GRIP1: variants seen among roughly 807,000 people sequenced by gnomAD.
GRIP1 encodes the protein glutamate receptor interacting protein 1.
Under a neutral mutation model 129.9 loss-of-function variants are expected in GRIP1, and 45 were observed. That is an observed-to-expected ratio of 0.35 (90% CI 0.27 to 0.44). The LOEUF is 0.44. GRIP1 is among the 20% of genes least tolerant of loss of function. The pLI is 1.00. For synonymous variants in GRIP1, 530 were observed against 520.8 expected, an observed-to-expected ratio of 1.02 and a Z score of -0.24; for missense variants, 1,196 against 1,396.8, an observed-to-expected ratio of 0.86 and a Z score of 2.29.
chr12:66,514,284 T>C (rs2060782400), intron 7 of GRIP1, among the ~76,000 whole-genome samples: 1 of 152,154 alleles, frequency 6.6e-6, no homozygotes, highest in Non-Finnish European at 1.5e-5. Context: ...GTCAAATACC[T>C]GCTTCAATTT....
intron 1 of GRIP1, among the ~76,000 whole-genome samples, chr12:66,938,890 G>A (rs766481417): frequency 6.6e-6 from 1 of 152,188 alleles, no homozygotes; most frequent in Non-Finnish European, 1.5e-5. Flanking sequence ...CTGGGAGGTG[G>A]AGGTTGCAGT....
intron 13 of GRIP1, among the ~76,000 whole-genome samples, chr12:66,438,491 ATT>A (rs1004531480): frequency 2.2e-5 from 3 of 136,942 alleles, no homozygotes; most frequent in Admixed American, 7.6e-5. Context: ...TTCACCGAGT[ATT>A]TTTTTTTTTT....
chr12:66,401,205 A>T (rs775024715), intron 16 of GRIP1, among the ~76,000 whole-genome samples: 3 of 152,164 alleles, frequency 2.0e-5, no homozygotes, highest in Non-Finnish European at 4.4e-5. Flanking sequence ...AAAATATCCA[A>T]ATACAGTAAT....
chr12:66,740,179 G>A (rs2036743618), intron 1 of GRIP1, among the ~76,000 whole-genome samples: 2 of 152,154 alleles, frequency 1.3e-5, no homozygotes, highest in Admixed American at 1.3e-4. Context: ...ATGTCTGTTA[G>A]ATCACTGATG....
intron 2 of GRIP1, among the ~76,000 whole-genome samples, chr12:66,592,200 T>C (rs1426581031): frequency 1.3e-5 from 2 of 152,180 alleles, no homozygotes; most frequent in Non-Finnish European, 2.9e-5. Context: ...AAGGGTATGG[T>C]ATTATGGGGA....
At chr12:66,627,842 T>C (rs1376021597) in intron 1 of GRIP1, among the ~76,000 whole-genome samples, 1 of 151,932 alleles carries the variant, frequency 6.6e-6, no homozygotes, top group Non-Finnish European at 1.5e-5. Flanking sequence ...GGAGCTGGGA[T>C]TGTGTAAGGG....
At chr12:66,760,465 G>A (rs2037438153) in intron 1 of GRIP1, among the ~76,000 whole-genome samples, 1 of 152,182 alleles carries the variant, frequency 6.6e-6, no homozygotes, top group Non-Finnish European at 1.5e-5. Context: ...GAGGTAAAAA[G>A]CACTTCTTAC....
rs1472540042 is a variant in GRIP1 at position 66,418,257 on chromosome 12, C to T, written c.1838+2463G>A. On this transcript the variant is annotated intron_variant, in intron 15 of 24. Transcript: ENST00000359742. ...CAACATGCAGAAGAAAAAAACTAGA[C>T]AGCTATTTCTTGCCATATACAAAAG... is the stretch of plus-strand genomic sequence containing the variant. Among the ~76,000 whole-genome samples, 3 of 152,110 alleles carry T rather than the reference C, an allele frequency of 2.0e-5. No individual in the cohort carries two copies. In the East Asian group the frequency reaches 5.8e-4, roughly 29 times the overall value.
At chr12:66,869,867 T>G (rs756731988) in intron 1 of GRIP1, among the ~76,000 whole-genome samples, 6 of 152,112 alleles carry the variant, frequency 3.9e-5, no homozygotes, top group Admixed American at 2.6e-4. Context: ...TCCAAGTTCT[T>G]TAACTGTGGC....
intron 23 of GRIP1, among the ~76,000 whole-genome samples, chr12:66,367,230 G>T (rs1211088038): frequency 1.3e-5 from 2 of 152,094 alleles, no homozygotes; most frequent in African/African-American, 4.8e-5. Flanking sequence ...GTACAAACCA[G>T]AATTCATTTG....
intron 2 of GRIP1, among the ~76,000 whole-genome samples, chr12:66,586,204 T>C (rs2063627411): frequency 6.6e-6 from 1 of 152,188 alleles, no homozygotes; most frequent in Non-Finnish European, 1.5e-5. Flanking sequence ...TCCCACCTTT[T>C]CACCGAATCT....
chr12:66,861,131 T>A (rs1592910279), intron 1 of GRIP1, among the ~76,000 whole-genome samples: 1 of 152,150 alleles, frequency 6.6e-6, no homozygotes, highest in South Asian at 2.1e-4. Context: ...ACAGTTTTAC[T>A]ATACCTCTTC....
chr12:66,946,158 T>C (rs942422758), intron 1 of GRIP1, among the ~76,000 whole-genome samples: 8 of 152,226 alleles, frequency 5.3e-5, no homozygotes, highest in Non-Finnish European at 5.9e-5. Flanking sequence ...AATTCTGACA[T>C]GGCCATTCCA....
At chr12:66,589,634 T>C (rs2063780702) in intron 2 of GRIP1, among the ~76,000 whole-genome samples, 1 of 152,176 alleles carries the variant, frequency 6.6e-6, no homozygotes, top group Admixed American at 6.5e-5. Flanking sequence ...AAAATATGAT[T>C]AGCATATAAA....
At chr12:66,549,514 C>G (rs888284940) in intron 2 of GRIP1, among the ~76,000 whole-genome samples, 8 of 151,964 alleles carry the variant, frequency 5.3e-5, no homozygotes, top group African/African-American at 1.9e-4. Flanking sequence ...AAGTTTATTC[C>G]CCTCAGGAAA....
intron 19 of GRIP1, among the ~76,000 whole-genome samples, chr12:66,387,995 G>A (rs949502574): frequency 2.0e-5 from 3 of 151,828 alleles, no homozygotes; most frequent in African/African-American, 4.8e-5. Context: ...AATAAATCAT[G>A]CATCCAACTT....
chr12:66,964,155 A>C (rs2041962650), intron 1 of GRIP1, among the ~76,000 whole-genome samples: 1 of 152,114 alleles, frequency 6.6e-6, no homozygotes, highest in Non-Finnish European at 1.5e-5. Context: ...AGTGCTGCCA[A>C]AGTGATTTTT....
At chr12:66,978,694 C>T (rs964438514) in intron 1 of GRIP1, among the ~76,000 whole-genome samples, 4 of 152,086 alleles carry the variant, frequency 2.6e-5, no homozygotes, top group Non-Finnish European at 5.9e-5. Flanking sequence ...GAAGTATTGG[C>T]GTCAAAAGCT....
intron 1 of GRIP1, among the ~76,000 whole-genome samples, chr12:66,726,392 G>A (rs1263404608): frequency 6.6e-6 from 1 of 152,088 alleles, no homozygotes; most frequent in Non-Finnish European, 1.5e-5. Context: ...TTGAATTTAT[G>A]ACCTTCAATT....
Sources: allele counts gnomAD v4.1 joint callset (sites outside exome capture counted in the v4.1 genomes callset), GRCh38; gene constraint gnomAD v4.1.1; transcripts MANE v1.5; gene names NCBI Gene and HGNC (gene_info 2026-07-23, HGNC 2026-07-21).